FLNA: variants seen among roughly 807,000 people sequenced by gnomAD.
The protein encoded by FLNA is filamin A, also known as filamin-A.
Under a neutral mutation model 157.6 loss-of-function variants are expected in FLNA, and 7 were observed. The ratio of observed to expected loss-of-function variants is 0.04; its 90% CI spans 0.03 to 0.08. FLNA has a LOEUF of 0.08. Among genes scored for constraint, FLNA ranks in the 10% least tolerant of loss-of-function variants. The pLI is 1.00. For missense variants in FLNA, 1,750 were observed against 2,398.4 expected (o/e 0.73, Z 5.65); for synonymous variants, 1,103 against 1,060.8 (o/e 1.04, Z -0.77).
chrX:154,366,144 G>C lies in FLNA; in HGVS notation c.1309C>G (p.Arg437Gly), dbSNP rs863223644. 2 of 1,210,289 alleles carry C rather than the reference G, an allele frequency of 1.7e-6. No homozygotes were observed. The highest frequency in any genetic ancestry group is 2.2e-6 in the Non-Finnish European group (2 of 895,133). Residue 437 changes from arginine (R) to glycine (G), a missense_variant, in exon 9 of 48, where the codon CGG (arginine) becomes GGG (glycine). By Grantham distance (125) the Arg-to-Gly change is moderately radical. Around this residue, in one of 5 missense-constraint regions of FLNA, gnomAD observed 648 missense variants for 805.8 expected, o/e 0.80. Coordinates refer to ENST00000369850, the MANE Select transcript of FLNA (RefSeq NM_001110556.2). ...CTGCAGCGGTATGTGCTGTCGCCCC[G>C]GGCCTCCAGCTGAGGCTCTACCGTG... is the stretch of plus-strand genomic sequence containing the variant. ...KGTVEPQLEARGDSTYRCSYQ... is the reference protein window; with the variant it reads ...KGTVEPQLEAGGDSTYRCSYQ...
Position 154,371,325 on chromosome X carries a change from A to G in FLNA, c.-80T>C. On this transcript the variant is annotated 5_prime_UTR_variant, in exon 2 of 48. Coordinates refer to ENST00000369850, the MANE Select transcript of FLNA (RefSeq NM_001110556.2). The stretch of plus-strand genomic sequence containing the variant: ...CCTTTAATTAAAGTCGCAGGCACCT[A>G]GGCGCGCGGGAGGCGAGGCAGGGAG... 1 of 1,121,549 alleles carries G rather than the reference A, an allele frequency of 8.9e-7. No homozygotes were observed. Among genetic ancestry groups the G allele is most frequent in the Non-Finnish European group, 1.2e-6 (1 of 841,123 alleles). The allele number at this position is 1,121,549 out of a possible 1,213,427, so 92.4% of individuals were successfully genotyped here.
At chrX:154,358,906 G>C in intron 26 of FLNA, 78 bp downstream of exon 26, 1 of 1,099,881 alleles carries the variant, frequency 9.1e-7, no homozygotes, top group Non-Finnish European at 1.3e-6. Flanking sequence ...CCTCACTTTG[G>C]GCCTCCAGTT....
chrX:154,361,937 G>A, intron 19 of FLNA, 42 bp downstream of exon 19: 1 of 1,191,339 alleles, frequency 8.4e-7, no homozygotes, highest in Non-Finnish European at 1.1e-6. Flanking sequence ...TGCTGCATGA[G>A]GAGGCTGGGG....
intron 39 of FLNA, 25 bp from the exon 40 acceptor site, chrX:154,352,700 G>A (rs782655948): frequency 8.3e-6 from 10 of 1,211,549 alleles, no homozygotes; most frequent in South Asian, 3.5e-5. Context: ...CACGGCCCAC[G>A]CCCCTCCAGT....
intron 15 of FLNA, among the ~76,000 whole-genome samples, chrX:154,363,107 A>G (rs1279424225): frequency 8.9e-6 from 1 of 112,627 alleles, no homozygotes; most frequent in Non-Finnish European, 1.9e-5. Flanking sequence ...ACAATGGAGT[A>G]TTATGCGGCC....
At position 154,362,500 on chromosome X, in the gene FLNA, C is replaced by G. The variant is rs1347740802; in HGVS notation, c.2483G>C (p.Arg828Pro). 7 of 1,211,213 alleles carry G rather than the reference C, an allele frequency of 5.8e-6. No homozygotes were observed. The highest frequency in any genetic ancestry group is 7.8e-6 in the Non-Finnish European group (7 of 895,145). ...AEADIDFDIIRNDNDTFTVKY... is the reference protein window; with the variant it reads ...AEADIDFDIIPNDNDTFTVKY... ...GACCGTGAAGGTGTCATTGTCATTG[C>G]GGATGATGTCGAAGTCGATGTCAGC... is the stretch of plus-strand genomic sequence containing the variant. The change falls in exon 17 of 48, where the codon CGC becomes CCC. Residue 828 changes from arginine to proline, a missense_variant. Physicochemically the swap from Arg to Pro is moderately radical, Grantham distance 103. This residue lies in a region of FLNA where 648 missense variants were observed against 805.8 expected (regional missense o/e 0.80). Coordinates refer to ENST00000369850, the MANE Select transcript of FLNA (RefSeq NM_001110556.2).
intron 21 of FLNA, 146 bp downstream of exon 21, chrX:154,361,162 T>A: frequency 3.9e-6 from 2 of 513,435 alleles, no homozygotes; most frequent in Admixed American, 8.0e-5. Flanking sequence ...TTACTCTCAC[T>A]TAAACAGGGT....
chrX:154,350,912 G>C lies in FLNA; in HGVS notation c.7153C>G (p.Gln2385Glu), dbSNP rs727503931. The C allele has an allele frequency of 1.7e-6, 2 of 1,209,568 alleles. No homozygotes were observed. Among genetic ancestry groups the C allele is most frequent in the African/African-American group, 1.7e-5 (1 of 57,408 alleles). ...CCGGGCAGGGACAGGGCCTCACCTT[G>C]GTCAATTTCTGTGACATAGCACTCC... Reference protein sequence around the residue: ...LEECYVTEIDQDKYAVRFIPR... With the variant: ...LEECYVTEIDEDKYAVRFIPR... Residue 2385 changes from glutamine (Q) to glutamate (E), a missense_variant, in exon 44 of 48, where the codon CAA (glutamine) becomes GAA (glutamate). Physicochemically the swap from Gln to Glu is conservative, Grantham distance 29. Transcript: ENST00000369850.
intron 2 of FLNA, among the ~76,000 whole-genome samples, chrX:154,370,151 T>C (rs2067793891): frequency 8.9e-6 from 1 of 111,816 alleles, no homozygotes; most frequent in Non-Finnish European, 1.9e-5. Flanking sequence ...AACTCCTGCG[T>C]GCTACACGCA....
rs782623139 is a variant in FLNA, at chrX:154,362,433, G to A, written c.2550C>T (p.Val850=). ...PRGAGSYTIM[V]LFADQATPTS... Reference sequence around the variant, plus strand: ...CAGCACCCACCTGGTCAGCAAAGAGGACCATAATGGTGTAGCTGCCAGCCC... The same window carrying A: ...CAGCACCCACCTGGTCAGCAAAGAGAACCATAATGGTGTAGCTGCCAGCCC... The change falls in exon 17 of 48, where the codon GTC becomes GTT. Residue 850 remains valine, a synonymous_variant. Transcript: ENST00000369850. The A allele has an allele frequency of 1.7e-6, 2 of 1,210,526 alleles. No individual in the cohort carries two copies. Among genetic ancestry groups the A allele is most frequent in the African/African-American group, 1.7e-5 (1 of 57,507 alleles).
At chrX:154,358,755 TTGCCTGCC>T in intron 26 of FLNA, 187 bp from the exon 27 acceptor site, 1 of 615,659 alleles carries the variant, frequency 1.6e-6, no homozygotes, top group African/African-American at 2.2e-5. Context: ...GCTGGGACCC[TTGCCTGCC>T]TGCCTTCCTG....
Position 154,352,592 on chromosome X carries a change from T to C in FLNA, c.6463A>G (p.Asn2155Asp). 8.3e-7 allele frequency: 1 copy of C among 1,211,565 alleles called. No individual in the cohort carries two copies. Among genetic ancestry groups the C allele is most frequent in the Non-Finnish European group, 1.1e-6 (1 of 895,515 alleles). Reference protein sequence around the residue: ...TRRRRAPSVANVGSHCDLSLK... With the variant: ...TRRRRAPSVADVGSHCDLSLK... ...CTGAGGTCACAATGACTACCAACGTTGGCCACTGAAGGAGCCCGACGCCTG... is the reference window on the plus strand; with the variant it reads ...CTGAGGTCACAATGACTACCAACGTCGGCCACTGAAGGAGCCCGACGCCTG... Residue 2155 changes from asparagine to aspartate, a missense_variant, in exon 40 of 48, where the codon AAC becomes GAC. Asn to Asp is a conservative substitution (Grantham distance 23). This residue lies in a region of FLNA where 970 missense variants were observed against 1,302.6 expected (regional missense o/e 0.74). Transcript: ENST00000369850.
chrX:154,355,619 G>A (rs1557176748), intron 30 of FLNA, among the ~76,000 whole-genome samples: 1 of 113,432 alleles, frequency 8.8e-6, no homozygotes. Context: ...GCCCGGTGCA[G>A]ACAGGAGTGG....
chrX:154,356,436 C>T (rs782628493), intron 30 of FLNA, among the ~76,000 whole-genome samples: 7 of 112,024 alleles, frequency 6.2e-5, no homozygotes, highest in Admixed American at 1.9e-4. Context: ...TGCGCACACA[C>T]GCCTGTCACA....
In FLNA at chrX:154,359,394, C is replaced by T. The variant is rs782110572; in HGVS notation, c.4155G>A (p.Thr1385=). 4.0e-5 allele frequency: 48 copies of T among 1,210,374 alleles called. No individual in the cohort carries two copies. The highest frequency in any genetic ancestry group is 5.2e-5 in the Non-Finnish European group (47 of 895,376). The change falls in exon 25 of 48, where the codon ACG becomes ACA. Residue 1385 remains threonine (T), a synonymous_variant. Coordinates refer to ENST00000369850, the MANE Select transcript of FLNA (RefSeq NM_001110556.2). ...CCTCTACAGCCAGGCCCAGGCCGCC[C>T]GTGCCAGCTCCCCTGGTCCAAACAG... The part of the protein sequence containing the change: ...KFTVETRGAG[T]GGLGLAVEGP...
chrX:154,366,716 C>T lies in FLNA; in HGVS notation c.987+16G>A, dbSNP rs2067764788. On this transcript the variant is annotated intron_variant, in intron 6 of 47. Transcript: ENST00000369850. ...GGGAGCGCTGCGGGGCCTCTGCTGC[C>T]AGCAGCTGGCCCTACCTCCTCCTGG... The T allele has an allele frequency of 8.3e-7, 1 of 1,200,664 alleles. No individual in the cohort carries two copies. The highest frequency in any genetic ancestry group is 1.1e-6 in the Non-Finnish European group (1 of 885,024).
intron 19 of FLNA, 91 bp from the exon 20 acceptor site, chrX:154,361,878 G>A: frequency 9.0e-7 from 1 of 1,111,039 alleles, no homozygotes; most frequent in Non-Finnish European, 1.2e-6. Context: ...TCCTCTCCCA[G>A]GTAAGGAATG....
At chrX:154,367,289 T>C (rs2067769632) in intron 5 of FLNA, 108 bp downstream of exon 5, 2 of 896,263 alleles carry the variant, frequency 2.2e-6, no homozygotes, top group Non-Finnish European at 3.1e-6. Flanking sequence ...CTTGATCACC[T>C]AGCCGCCATG....
In FLNA at chrX:154,358,526, G is replaced by A. The variant is rs797045579; in HGVS notation, c.4517C>T (p.Thr1506Ile). The A allele has an allele frequency of 9.3e-5, 113 of 1,209,864 alleles. No individual in the cohort carries two copies. Among genetic ancestry groups the A allele is most frequent in the Non-Finnish European group, 1.2e-4 (110 of 894,392 alleles). The change falls in exon 27 of 48, where the codon ACC (threonine) becomes ATC (isoleucine). Residue 1506 changes from threonine (T) to isoleucine (I), a missense_variant. Physicochemically the swap from Thr to Ile is moderately conservative, Grantham distance 89. Around this residue, in one of 5 missense-constraint regions of FLNA, gnomAD observed 970 missense variants for 1,302.6 expected, o/e 0.74. Transcript: ENST00000369850. ...PVDVVDNADG[T>I]QTVNYVPSRE... is the part of the protein sequence containing the mutation. Reference sequence around the variant, plus strand: ...GCTGGGCACATAATTGACGGTCTGGGTGCCATCAGCGTTGTCTACCACGTC... The same window carrying A: ...GCTGGGCACATAATTGACGGTCTGGATGCCATCAGCGTTGTCTACCACGTC...
Sources: allele counts gnomAD v4.1 joint callset (sites outside exome capture counted in the v4.1 genomes callset), GRCh38; gene constraint gnomAD v4.1.1; regional missense constraint gnomAD v4.1.1; transcripts MANE v1.5; gene names NCBI Gene and HGNC (gene_info 2026-07-23, HGNC 2026-07-21).